Variants in DLGAP2 observed in about 807,000 individuals in gnomAD.
DLGAP2 encodes disks large-associated protein 2.
In DLGAP2, 26 loss-of-function variants were observed where a neutral mutation model predicts 100.3. The observed-to-expected ratio is 0.26, with a 90% confidence interval of 0.19 to 0.36. The LOEUF (loss-of-function observed/expected upper bound fraction) is 0.36, where lower values mean the gene tolerates loss of function less well. Among genes scored for constraint, DLGAP2 ranks in the 10% least tolerant of loss-of-function variants. DLGAP2 has a pLI of 1.00. For missense variants in DLGAP2, 1,858 were observed against 1,453.2 expected (o/e 1.28, Z -4.53); for synonymous variants, 886 against 630.1 (o/e 1.41, Z -6.08).
chr8:1,153,432 C>G (rs1442915007), intron 2 of DLGAP2, among the ~76,000 whole-genome samples: 1 of 152,152 alleles, frequency 6.6e-6, no homozygotes, highest in Admixed American at 6.5e-5. Flanking sequence ...TTCACTCTTT[C>G]TCAGCAGTGT....
chr8:1,499,243 GT>G (rs1799637789), intron 3 of DLGAP2, among the ~76,000 whole-genome samples: 1 of 152,228 alleles, frequency 6.6e-6, no homozygotes, highest in African/African-American at 2.4e-5. Flanking sequence ...TGCTGCTGGT[GT>G]TGTTAGCGGA....
chr8:862,942 A>G (rs752272013), intron 1 of DLGAP2, among the ~76,000 whole-genome samples: 2 of 152,220 alleles, frequency 1.3e-5, no homozygotes, highest in Non-Finnish European at 2.9e-5. Flanking sequence ...CCACTGCCAC[A>G]GAGGATATGG....
intron 2 of DLGAP2, among the ~76,000 whole-genome samples, chr8:1,243,755 C>T (rs1463965376): frequency 6.6e-6 from 1 of 152,164 alleles, no homozygotes; most frequent in Non-Finnish European, 1.5e-5. Context: ...CATCTCGCCT[C>T]TGCTGTCTCT....
intron 1 of DLGAP2, among the ~76,000 whole-genome samples, chr8:834,546 T>C (rs1324166154): frequency 6.6e-6 from 1 of 152,230 alleles, no homozygotes; most frequent in African/African-American, 2.4e-5. Flanking sequence ...CTACCTGCAC[T>C]TTAACTTGTG....
At chr8:822,005 T>G (rs1796592149) in intron 1 of DLGAP2, 3 of 397,192 alleles carry the variant, frequency 7.6e-6, no homozygotes, top group Non-Finnish European at 1.3e-5. Context: ...TCTCACTTTT[T>G]AATGTACATT....
intron 3 of DLGAP2, among the ~76,000 whole-genome samples, chr8:1,320,402 G>A (rs1021979919): frequency 1.3e-5 from 2 of 152,094 alleles, no homozygotes; most frequent in African/African-American, 4.8e-5. Context: ...CCGGACCGGA[G>A]GAGGAGGACG....
chr8:1,417,234 G>A (rs1203444026), intron 3 of DLGAP2, among the ~76,000 whole-genome samples: 4 of 122,560 alleles, frequency 3.3e-5, no homozygotes, highest in Non-Finnish European at 6.8e-5. Flanking sequence ...TCCGTTTGGC[G>A]TCTGAGGTGG....
chr8:1,298,900 G>C (rs544416461), intron 3 of DLGAP2, among the ~76,000 whole-genome samples: 19 of 152,086 alleles, frequency 1.2e-4, no homozygotes, highest in Admixed American at 4.6e-4. Context: ...GGCAGGAACG[G>C]GGGGAGAACC....
At chr8:1,588,614 G>A (rs557009315) in intron 6 of DLGAP2, among the ~76,000 whole-genome samples, 24 of 152,092 alleles carry the variant, frequency 1.6e-4, no homozygotes, top group African/African-American at 5.3e-4. Flanking sequence ...AACATTAACA[G>A]TGTTTAACAG....
chr8:969,316 A>G (rs1174960896), intron 2 of DLGAP2, among the ~76,000 whole-genome samples: 1 of 152,160 alleles, frequency 6.6e-6, no homozygotes, highest in Admixed American at 6.5e-5. Flanking sequence ...GCTGGCCGAC[A>G]CACTCTGCAG....
chr8:1,204,212 A>T (rs2044923), intron 2 of DLGAP2, among the ~76,000 whole-genome samples: 2 of 152,090 alleles, frequency 1.3e-5, no homozygotes, highest in African/African-American at 4.8e-5. Flanking sequence ...GCGGGTTTTT[A>T]TCTGCTCCTA....
Position 1,492,779 on chromosome 8 carries a change from G to A in DLGAP2, c.107-8587G>A, listed in dbSNP as rs148608095. ...CGCAGCCGATTTTGCGTGAAGACCTGTGTGCTACCCATGGGAGGCCAATAA... is the reference window on the plus strand; with the variant it reads ...CGCAGCCGATTTTGCGTGAAGACCTATGTGCTACCCATGGGAGGCCAATAA... On this transcript the variant is annotated intron_variant, in intron 3 of 14. Transcript: ENST00000637795. Among the ~76,000 whole-genome samples the A allele has an allele frequency of 4.8e-3, 728 of 152,320 alleles. 4 individuals are homozygous for A. Among genetic ancestry groups the A allele is most frequent in the African/African-American group, 0.016 (683 of 41,576 alleles).
intron 2 of DLGAP2, among the ~76,000 whole-genome samples, chr8:1,046,848 T>TC (rs1447271105): frequency 6.6e-6 from 1 of 152,210 alleles, no homozygotes; most frequent in Non-Finnish European, 1.5e-5. Flanking sequence ...CTTTTTTTTT[T>TC]CTGCCTAGCC....
chr8:1,701,541 A>G lies in DLGAP2; in HGVS notation c.*135A>G, dbSNP rs982842515. On this transcript the variant is annotated 3_prime_UTR_variant, in exon 15 of 15. Transcript: ENST00000637795. ...CTCCCGCGCTCCCCGCGCCCCGGACACAGCGGGACGCGGCCGGCGGCCTCA... is the reference window on the plus strand; with the variant it reads ...CTCCCGCGCTCCCCGCGCCCCGGACGCAGCGGGACGCGGCCGGCGGCCTCA... 1.0e-6 allele frequency: 1 copy of G among 975,320 alleles called. No individual in the cohort carries two copies. Among genetic ancestry groups the G allele is most frequent in the Admixed American group, 2.9e-5 (1 of 34,144 alleles). 60.4% of individuals were successfully genotyped at this position (975,320 alleles called of 1,614,324 possible).
intron 6 of DLGAP2, among the ~76,000 whole-genome samples, chr8:1,598,581 A>C (rs1373150704): frequency 6.6e-6 from 1 of 152,074 alleles, no homozygotes; most frequent in East Asian, 1.9e-4. Context: ...CTTATTCCTC[A>C]TTTAGTCTTG....
chr8:1,336,725 C>T (rs539183135), intron 3 of DLGAP2, among the ~76,000 whole-genome samples: 2 of 152,308 alleles, frequency 1.3e-5, no homozygotes, highest in East Asian at 1.9e-4. Context: ...AAGACAGATG[C>T]ATTCAGTGAC....
At chr8:1,586,893 C>G (rs181922748) in intron 6 of DLGAP2, among the ~76,000 whole-genome samples, 2 of 152,264 alleles carry the variant, frequency 1.3e-5, no homozygotes, top group Non-Finnish European at 2.9e-5. Flanking sequence ...CATGTGGCTC[C>G]CTCTGAAGCT....
intron 2 of DLGAP2, among the ~76,000 whole-genome samples, chr8:1,009,756 C>T (rs1362326234): frequency 6.6e-6 from 1 of 152,202 alleles, no homozygotes; most frequent in Admixed American, 6.5e-5. Context: ...TCTCATTTGT[C>T]TCCACAGCCT....
At chr8:1,603,136 T>A (rs558854074) in intron 6 of DLGAP2, among the ~76,000 whole-genome samples, 1 of 151,460 alleles carries the variant, frequency 6.6e-6, no homozygotes, top group South Asian at 2.1e-4. Context: ...CTCCACAGGC[T>A]GGTTAGAGTG....
Sources: allele counts gnomAD v4.1 joint callset (sites outside exome capture counted in the v4.1 genomes callset), GRCh38; gene constraint gnomAD v4.1.1; transcripts MANE v1.5; gene names NCBI Gene and HGNC (gene_info 2026-07-23, HGNC 2026-07-21).